The following CFTR variants were observed in gnomAD, a reference collection of about 807,000 sequenced individuals.
The protein encoded by CFTR is cystic fibrosis transmembrane conductance regulator.
Under a neutral mutation model 171.6 loss-of-function variants are expected in CFTR, and 181 were observed. The observed-to-expected ratio is 1.05, with a 90% confidence interval of 0.93 to 1.19. The LOEUF is 1.19. Ranked by LOEUF, CFTR falls within the 50% of genes most tolerant of loss-of-function variation. CFTR has a pLI of 0.00. For missense variants in CFTR, 1,968 were observed against 1,734.7 expected, an observed-to-expected ratio of 1.13 and a Z score of -2.39; for synonymous variants, 583 against 608.0, an observed-to-expected ratio of 0.96 and a Z score of 0.60.
intron 1 of CFTR, among the ~76,000 whole-genome samples, chr7:117,498,508 G>A (rs1798273086): frequency 6.6e-6 from 1 of 152,180 alleles, no homozygotes; most frequent in Non-Finnish European, 1.5e-5. Context: ...GGACTTTAGA[G>A]AGCTGGATAG....
At chr7:117,588,400 A>G (rs954601583) in intron 12 of CFTR, among the ~76,000 whole-genome samples, 2 of 152,124 alleles carry the variant, frequency 1.3e-5, no homozygotes, top group African/African-American at 2.4e-5. Flanking sequence ...TGTCAAAGAG[A>G]TGTAAATATA....
At chr7:117,616,054 A>T (rs962966826) in intron 21 of CFTR, among the ~76,000 whole-genome samples, 1 of 152,108 alleles carries the variant, frequency 6.6e-6, no homozygotes, top group Non-Finnish European at 1.5e-5. Context: ...TAAAATTTGT[A>T]TGATCAACTC....
chr7:117,634,488 T>G (rs113629103), intron 22 of CFTR, among the ~76,000 whole-genome samples: 3 of 152,236 alleles, frequency 2.0e-5, no homozygotes, highest in African/African-American at 7.2e-5. Context: ...TCATGATTTT[T>G]AAATTATGCT....
chr7:117,564,689 A>G (rs1791573167), intron 11 of CFTR: 1 of 167,054 alleles, frequency 6.0e-6, no homozygotes, highest in Non-Finnish European at 1.5e-5. Flanking sequence ...GGAGATGAGA[A>G]CAGAATATTA....
intron 11 of CFTR, among the ~76,000 whole-genome samples, chr7:117,568,339 A>G (rs1311077228): frequency 6.6e-6 from 1 of 152,206 alleles, no homozygotes; most frequent in East Asian, 1.9e-4. Context: ...TTTGCATTTT[A>G]CAAAGATTGT....
rs749801869 is a variant in CFTR at position 117,531,019 on chromosome 7, A to G, written c.394A>G (p.Ile132Val). ...YLGIGLCLLF[I>V]VRTLLLHPAI... is the part of the protein sequence containing the mutation. ...AGGCATAGGCTTATGCCTTCTCTTT[A>G]TTGTGAGGACACTGCTCCTACACCC... Residue 132 changes from isoleucine (I) to valine (V), a missense_variant, in exon 4 of 27, where the codon ATT becomes GTT. By Grantham distance (29) the Ile-to-Val change is conservative. Transcript: ENST00000003084. 9 of 1,613,722 alleles carry G rather than the reference A, an allele frequency of 5.6e-6. No homozygotes were observed. The highest frequency in any genetic ancestry group is 2.2e-5 in the East Asian group (1 of 44,862).
chr7:117,519,505 A>T (rs986266567), intron 3 of CFTR, among the ~76,000 whole-genome samples: 1 of 151,914 alleles, frequency 6.6e-6, no homozygotes, highest in African/African-American at 2.4e-5. Flanking sequence ...CATTTTTTGT[A>T]TGCATGTTTT....
intron 11 of CFTR, among the ~76,000 whole-genome samples, chr7:117,576,055 GA>G (rs1468283572): frequency 6.6e-6 from 1 of 151,970 alleles, no homozygotes; most frequent in African/African-American, 2.4e-5. Context: ...GCAATCATTA[GA>G]ATTAATTTTT....
At position 117,590,355 on chromosome 7, in the gene CFTR, C is replaced by A. The variant is rs121909047; in HGVS notation, c.1682C>A (p.Ala561Glu). The A allele has an allele frequency of 3.7e-6, 6 of 1,602,010 alleles. No individual in the cohort carries two copies. The Admixed American group carries it at 1.0e-4, about 27-fold the overall frequency. Residue 561 changes from alanine (A) to glutamate (E), a missense_variant and splice_region_variant, in exon 13 of 27, where the codon GCA (alanine) becomes GAA (glutamate). Physicochemically the swap from Ala to Glu is moderately radical, Grantham distance 107. Transcript: ENST00000003084. ...TTTAATTTCCATTTTCTTTTTAGAG[C>A]AGTATACAAAGATGCTGATTTGTAT... ...GQRARISLAR[A>E]VYKDADLYLL...
intron 9 of CFTR, among the ~76,000 whole-genome samples, chr7:117,545,117 T>G (rs1393546999): frequency 1.3e-5 from 2 of 152,202 alleles, no homozygotes; most frequent in Non-Finnish European, 2.9e-5. Context: ...ACAATCATGG[T>G]GGATGATGAA....
At chr7:117,606,283 A>C (rs972530763) in intron 17 of CFTR, among the ~76,000 whole-genome samples, 21 of 152,158 alleles carry the variant, frequency 1.4e-4, no homozygotes, top group Admixed American at 2.6e-4. Context: ...CCCCTATGTT[A>C]TAGAATACAA....
intron 11 of CFTR, among the ~76,000 whole-genome samples, chr7:117,580,656 G>A (rs984778700): frequency 3.3e-5 from 5 of 151,994 alleles, no homozygotes; most frequent in Non-Finnish European, 7.4e-5. Context: ...TCTAATAAAC[G>A]TATTTATGAA....
At chr7:117,606,021 A>T (rs1005487208) in intron 17 of CFTR, among the ~76,000 whole-genome samples, 3 of 152,246 alleles carry the variant, frequency 2.0e-5, no homozygotes, top group African/African-American at 7.2e-5. Context: ...CAGTAATTTC[A>T]GTGCCTAGCA....
At chr7:117,589,915 G>T (rs1354391819) in intron 12 of CFTR, among the ~76,000 whole-genome samples, 1 of 151,954 alleles carries the variant, frequency 6.6e-6, no homozygotes, top group Non-Finnish European at 1.5e-5. Flanking sequence ...ACATCTTCAA[G>T]GGCAGGAACT....
At chr7:117,655,099 C>G (rs2116200585) in intron 24 of CFTR, among the ~76,000 whole-genome samples, 1 of 152,270 alleles carries the variant, frequency 6.6e-6, no homozygotes, top group East Asian at 1.9e-4. Context: ...TTTGGCCACA[C>G]CCTTTGTATT....
chr7:117,653,306 G>A (rs1793115907), intron 24 of CFTR, among the ~76,000 whole-genome samples: 1 of 152,108 alleles, frequency 6.6e-6, no homozygotes, highest in Admixed American at 6.5e-5. Flanking sequence ...GCCCTATCTT[G>A]GTCCATTTAG....
intron 8 of CFTR, among the ~76,000 whole-genome samples, chr7:117,540,706 CT>C (rs1049692626): frequency 6.6e-6 from 1 of 152,144 alleles, no homozygotes; most frequent in Non-Finnish European, 1.5e-5. Flanking sequence ...ACTTATTATG[CT>C]TTTTTGCTGT....
chr7:117,603,767 A>G lies in CFTR; in HGVS notation c.2893A>G (p.Asn965Asp). 6.2e-7 allele frequency: 1 copy of G among 1,613,878 alleles called. No homozygotes were observed. Among genetic ancestry groups the G allele is most frequent in the Non-Finnish European group, 8.5e-7 (1 of 1,179,898 alleles). ...TCTTCAAGCACCTATGTCAACCCTCAACACGTTGAAAGCAGGTACTTTACT... is the reference window on the plus strand; with the variant it reads ...TCTTCAAGCACCTATGTCAACCCTCGACACGTTGAAAGCAGGTACTTTACT... ...SVLQAPMSTL[N>D]TLKAGGILNR... The change falls in exon 17 of 27, where the codon AAC becomes GAC. Residue 965 changes from asparagine (N) to aspartate (D), a missense_variant. Transcript: ENST00000003084.
intron 23 of CFTR, among the ~76,000 whole-genome samples, chr7:117,645,379 A>G (rs768665070): frequency 1.6e-4 from 24 of 152,138 alleles, no homozygotes; most frequent in Non-Finnish European, 3.2e-4. Context: ...TCAAAATTAC[A>G]CTCATTGTCA....
Sources: gnomAD v4.1 joint callset for allele counts (sites outside exome capture counted in the v4.1 genomes callset) on GRCh38, gnomAD v4.1.1 for gene constraint, MANE v1.5 for transcripts, NCBI Gene and HGNC (gene_info 2026-07-23, HGNC 2026-07-21) for gene names.